Variants in MACROD2 observed in about 807,000 individuals in gnomAD.
The protein encoded by MACROD2 is mono-ADP ribosylhydrolase 2.
In MACROD2, 36 loss-of-function variants were observed where a neutral mutation model predicts 70.4. The observed-to-expected ratio is 0.51, with a 90% CI of 0.39 to 0.68. The LOEUF is 0.68. Among genes scored for constraint, MACROD2 ranks in the 30% least tolerant of loss-of-function variants. MACROD2 has a pLI of 0.00. For missense variants in MACROD2, 496 were observed against 538.4 expected (o/e 0.92, Z 0.78); for synonymous variants, 172 against 178.8 (o/e 0.96, Z 0.30).
intron 6 of MACROD2, among the ~76,000 whole-genome samples, chr20:15,383,317 A>C (rs1164398335): frequency 6.6e-6 from 1 of 152,200 alleles, no homozygotes; most frequent in African/African-American, 2.4e-5. Context: ...TCTAAGATGC[A>C]TTGAGTACTT....
At chr20:14,776,593 G>A (rs930559135) in intron 5 of MACROD2, among the ~76,000 whole-genome samples, 1 of 152,022 alleles carries the variant, frequency 6.6e-6, no homozygotes, top group Admixed American at 6.6e-5. Context: ...CTAATGACAT[G>A]ATGAACCCAT....
At chr20:14,459,103 T>G (rs750991070) in intron 3 of MACROD2, among the ~76,000 whole-genome samples, 1 of 152,084 alleles carries the variant, frequency 6.6e-6, no homozygotes, top group Non-Finnish European at 1.5e-5. Flanking sequence ...CTAAGAACTC[T>G]GAGTCTTGTA....
intron 8 of MACROD2, among the ~76,000 whole-genome samples, chr20:15,708,435 G>A (rs1229958040): frequency 6.6e-6 from 1 of 152,112 alleles, no homozygotes; most frequent in Non-Finnish European, 1.5e-5. Context: ...AGCCATGCAG[G>A]TAGGGGAAAG....
chr20:15,861,215 CAGAG>C (rs762454281), intron 8 of MACROD2, among the ~76,000 whole-genome samples: 3 of 152,178 alleles, frequency 2.0e-5, no homozygotes, highest in Admixed American at 6.5e-5. Context: ...GAAATGGTAT[CAGAG>C]AGTATGTATC....
chr20:14,371,297 C>A (rs2083321126), intron 3 of MACROD2, among the ~76,000 whole-genome samples: 1 of 152,048 alleles, frequency 6.6e-6, no homozygotes, highest in Non-Finnish European at 1.5e-5. Flanking sequence ...CCAGCTTAGG[C>A]AACACAGCAA....
chr20:14,298,638 A>C (rs2082448310), intron 3 of MACROD2, among the ~76,000 whole-genome samples: 1 of 151,592 alleles, frequency 6.6e-6, no homozygotes, highest in East Asian at 1.9e-4. Flanking sequence ...CCTCTGATGG[A>C]TCTGAGCAAA....
At chr20:14,333,718 G>A (rs1449426633) in intron 3 of MACROD2, among the ~76,000 whole-genome samples, 5 of 152,048 alleles carry the variant, frequency 3.3e-5, no homozygotes, top group Admixed American at 3.3e-4. Flanking sequence ...ATTTATTTTA[G>A]TCTACTGTGT....
At chr20:14,849,970 C>G (rs775254694) in intron 5 of MACROD2, 1 of 516,702 alleles carries the variant, frequency 1.9e-6, no homozygotes, top group Non-Finnish European at 3.9e-6. Flanking sequence ...TCTATTACTT[C>G]AATCACTCCA....
At chr20:14,164,499 G>A (rs576433094) in intron 3 of MACROD2, among the ~76,000 whole-genome samples, 4 of 152,292 alleles carry the variant, frequency 2.6e-5, no homozygotes, top group Admixed American at 6.5e-5. Flanking sequence ...TCCCCTGGGC[G>A]GCTGGCATGG....
At chr20:15,858,016 C>A (rs2064377273) in intron 8 of MACROD2, among the ~76,000 whole-genome samples, 1 of 151,970 alleles carries the variant, frequency 6.6e-6, no homozygotes, top group Non-Finnish European at 1.5e-5. Context: ...TCCATCCTGG[C>A]AACATAGCAA....
At chr20:14,044,450 C>G (rs775898915) in intron 2 of MACROD2, among the ~76,000 whole-genome samples, 1 of 152,136 alleles carries the variant, frequency 6.6e-6, no homozygotes, top group Non-Finnish European at 1.5e-5. Flanking sequence ...GCGTGGCAGC[C>G]TGCTTTTATT....
At chr20:14,443,201 G>A (rs2084144954) in intron 3 of MACROD2, among the ~76,000 whole-genome samples, 2 of 151,914 alleles carry the variant, frequency 1.3e-5, no homozygotes, top group African/African-American at 4.8e-5. Context: ...AAGGATGAAG[G>A]AGTAAGGGTG....
At chr20:15,909,985 A>T (rs2065211813) in intron 10 of MACROD2, among the ~76,000 whole-genome samples, 1 of 152,188 alleles carries the variant, frequency 6.6e-6, no homozygotes, top group South Asian at 2.1e-4. Flanking sequence ...GAGAAGATCA[A>T]GAGTAGGTAC....
chr20:14,060,218 T>A (rs1008796298), intron 2 of MACROD2, among the ~76,000 whole-genome samples: 7 of 152,184 alleles, frequency 4.6e-5, no homozygotes, highest in African/African-American at 1.7e-4. Flanking sequence ...CTAAAGACTC[T>A]GGTTCCCTCT....
chr20:15,074,892 C>T (rs1466303718), intron 5 of MACROD2, among the ~76,000 whole-genome samples: 2 of 152,186 alleles, frequency 1.3e-5, no homozygotes, highest in East Asian at 1.9e-4. Flanking sequence ...GCAAGCGATA[C>T]ACACATCCAT....
At chr20:15,948,559 A>G (rs2065861609) in intron 12 of MACROD2, among the ~76,000 whole-genome samples, 1 of 151,380 alleles carries the variant, frequency 6.6e-6, no homozygotes, top group Non-Finnish European at 1.5e-5. Context: ...TTTTCCCAAA[A>G]CTTTCACACT....
intron 5 of MACROD2, among the ~76,000 whole-genome samples, chr20:14,715,448 A>G (rs774145139): frequency 3.3e-5 from 5 of 152,200 alleles, no homozygotes; most frequent in Non-Finnish European, 7.4e-5. Flanking sequence ...TTTGGCACTG[A>G]TTTTAAAAAA....
chr20:14,763,825 C>A lies in MACROD2; in HGVS notation c.418+78866C>A, dbSNP rs544822515. Among the ~76,000 whole-genome samples, 37 of 152,094 alleles carry A rather than the reference C, an allele frequency of 2.4e-4. 1 individual carries two copies. The highest frequency in any genetic ancestry group is 8.4e-4 in the African/African-American group (35 of 41,440). Reference sequence around the variant, plus strand: ...CTAGTGGCAGCTGTACATCTAAAACCCGGACTTGGGGGAAAGATCACAATA... The same window carrying A: ...CTAGTGGCAGCTGTACATCTAAAACACGGACTTGGGGGAAAGATCACAATA... On this transcript the variant is annotated intron_variant, in intron 5 of 17. Coordinates refer to ENST00000684519, the MANE Select transcript of MACROD2 (RefSeq NM_001351661.2).
chr20:15,292,068 G>A (rs1247074476), intron 6 of MACROD2, among the ~76,000 whole-genome samples: 1 of 152,032 alleles, frequency 6.6e-6, no homozygotes, highest in African/African-American at 2.4e-5. Flanking sequence ...AGAGATAGAG[G>A]TCTCGCTTTG....
Sources: allele counts gnomAD v4.1 joint callset (sites outside exome capture counted in the v4.1 genomes callset), GRCh38; gene constraint gnomAD v4.1.1; transcripts MANE v1.5; gene names NCBI Gene and HGNC (gene_info 2026-07-23, HGNC 2026-07-21).